Variants in FOCAD observed in about 807,000 individuals in gnomAD.
FOCAD encodes focadhesin, also known as KIAA1797.
FOCAD carries 198 observed loss-of-function variants against 225.6 expected under a neutral mutation model. That is an observed-to-expected ratio of 0.88 (90% CI 0.78 to 0.99). The LOEUF is 0.99. Ranked by LOEUF, FOCAD falls within the 50% of genes least tolerant of loss-of-function variation. The pLI, the probability that FOCAD is intolerant of heterozygous loss-of-function variation, is 0.00. For synonymous variants in FOCAD, 897 were observed against 755.0 expected (o/e 1.19, Z -3.08); for missense variants, 2,713 against 2,123.6 (o/e 1.28, Z -5.46).
chr9:20,968,032 G>A (rs1839422111), intron 35 of FOCAD, among the ~76,000 whole-genome samples: 3 of 152,064 alleles, frequency 2.0e-5, no homozygotes, highest in Admixed American at 6.6e-5. Context: ...AGAAAGATTG[G>A]TGTTAATTCT....
chr9:20,671,443 G>C (rs191284924), intron 2 of FOCAD, among the ~76,000 whole-genome samples: 1 of 152,036 alleles, frequency 6.6e-6, no homozygotes, highest in Non-Finnish European at 1.5e-5. Context: ...CCCAGAACAA[G>C]CTTTCTCTAA....
At chr9:20,807,592 C>G (rs932958085) in intron 11 of FOCAD, among the ~76,000 whole-genome samples, 3 of 152,070 alleles carry the variant, frequency 2.0e-5, no homozygotes, top group Non-Finnish European at 4.4e-5. Context: ...GCTAAGCCTC[C>G]CAAATCTGGT....
intron 19 of FOCAD, among the ~76,000 whole-genome samples, chr9:20,880,543 G>C (rs542714516): frequency 1.3e-5 from 2 of 152,274 alleles, no homozygotes; most frequent in South Asian, 4.1e-4. Context: ...TGTTTTTCCA[G>C]AGCACAGAGC....
intron 21 of FOCAD, among the ~76,000 whole-genome samples, chr9:20,886,451 A>C (rs1299377532): frequency 1.3e-5 from 2 of 152,180 alleles, no homozygotes; most frequent in Non-Finnish European, 2.9e-5. Flanking sequence ...GTCTTACTGA[A>C]AAGCTGATTT....
At chr9:20,814,950 T>TA (rs1408274040) in intron 11 of FOCAD, among the ~76,000 whole-genome samples, 2 of 151,986 alleles carry the variant, frequency 1.3e-5, no homozygotes, top group Non-Finnish European at 2.9e-5. Flanking sequence ...ATTATAGGAT[T>TA]CTTTGTTTAG....
At chr9:20,672,607 C>T (rs1041653972) in intron 2 of FOCAD, among the ~76,000 whole-genome samples, 2 of 152,176 alleles carry the variant, frequency 1.3e-5, no homozygotes, top group African/African-American at 2.4e-5. Flanking sequence ...CCCGCCACCA[C>T]GCCCAGCTAA....
chr9:20,968,431 CTTTTTT>C (rs35624897), intron 35 of FOCAD, among the ~76,000 whole-genome samples: 2 of 43,620 alleles, frequency 4.6e-5, no homozygotes, highest in Admixed American at 4.2e-4. Flanking sequence ...TTTTCTTATT[CTTTTTT>C]TTTTTTTTTT....
At chr9:20,779,992 T>C (rs962471407) in intron 9 of FOCAD, among the ~76,000 whole-genome samples, 5 of 152,210 alleles carry the variant, frequency 3.3e-5, no homozygotes, top group East Asian at 3.8e-4. Context: ...CTTTTTCTTA[T>C]AGCAGTGCAC....
chr9:20,774,575 C>T (rs920732482), intron 8 of FOCAD, among the ~76,000 whole-genome samples: 1 of 152,102 alleles, frequency 6.6e-6, no homozygotes, highest in Non-Finnish European at 1.5e-5. Context: ...TATTTACTAA[C>T]TTTAAAAAAT....
At chr9:20,857,785 G>GTTTT (rs35820198) in intron 15 of FOCAD, among the ~76,000 whole-genome samples, 26 of 106,052 alleles carry the variant, frequency 2.5e-4, no homozygotes, top group African/African-American at 5.7e-4. Flanking sequence ...TTTTTTTTGA[G>GTTTT]TTTTTTTTTT....
chr9:20,825,146 CGTGTGTGTGTGTGTGTGTGTGTGTGT>C (rs10562859), intron 15 of FOCAD, among the ~76,000 whole-genome samples: 1 of 138,990 alleles, frequency 7.2e-6, no homozygotes, highest in African/African-American at 2.7e-5. Flanking sequence ...TCAAGCTTTG[CGTGTGTGTGTGTGTGTGTGTGTGTGT>C]GTGTGTGTGT....
intron 2 of FOCAD, among the ~76,000 whole-genome samples, chr9:20,662,711 A>G (rs1821768046): frequency 6.6e-6 from 1 of 152,054 alleles, no homozygotes; most frequent in Admixed American, 6.6e-5. Context: ...TGGTCTCCCA[A>G]AGTGCTAGGA....
chr9:20,746,396 A>G lies in FOCAD; in HGVS notation c.392+6056A>G, dbSNP rs148171764. Among the ~76,000 whole-genome samples, 930 of 152,252 alleles carry G rather than the reference A, an allele frequency of 6.1e-3. 9 individuals carry two copies. The highest frequency in any genetic ancestry group is 0.021 in the African/African-American group (888 of 41,538). On this transcript the variant is annotated intron_variant, in intron 5 of 43. Transcript: ENST00000338382. ...CTCAGGAGAAGTAGGCACGGGCTAG[A>G]ATATGAAAGGCCATGGCAAAGACCG...
At chr9:20,899,851 C>A (rs770029116) in intron 21 of FOCAD, among the ~76,000 whole-genome samples, 1 of 151,730 alleles carries the variant, frequency 6.6e-6, no homozygotes, top group Non-Finnish European at 1.5e-5. Flanking sequence ...GAATCATAGA[C>A]CCAAGTTTGA....
At chr9:20,687,194 C>T (rs1254488370) in intron 1 of FOCAD, among the ~76,000 whole-genome samples, 1 of 151,980 alleles carries the variant, frequency 6.6e-6, no homozygotes, top group Non-Finnish European at 1.5e-5. Context: ...TTCTTTAGGC[C>T]AAAGGAAATT....
At chr9:20,789,742 CT>C in intron 11 of FOCAD, 134 bp downstream of exon 11, 1 of 1,018,636 alleles carries the variant, frequency 9.8e-7, no homozygotes, top group Non-Finnish European at 1.4e-6. Flanking sequence ...TTTTTGCTAT[CT>C]TTATCCTTCC....
intron 10 of FOCAD, chr9:20,787,193 G>T (rs1333627776): frequency 6.0e-6 from 1 of 167,078 alleles, no homozygotes; most frequent in Non-Finnish European, 1.3e-5. Context: ...ACATGTCTCT[G>T]TTATGTTGTT....
At chr9:20,757,414 T>C (rs955489575) in intron 5 of FOCAD, among the ~76,000 whole-genome samples, 14 of 152,228 alleles carry the variant, frequency 9.2e-5, no homozygotes, top group South Asian at 8.3e-4. Flanking sequence ...CCCCATTCTT[T>C]GAGAATCCTT....
At chr9:20,756,707 A>G (rs1319371045) in intron 5 of FOCAD, among the ~76,000 whole-genome samples, 2 of 152,190 alleles carry the variant, frequency 1.3e-5, no homozygotes, top group Non-Finnish European at 2.9e-5. Context: ...ATTTCTAACA[A>G]GTTCCCAGTT....
Sources: gnomAD v4.1 joint callset for allele counts (sites outside exome capture counted in the v4.1 genomes callset) on GRCh38, gnomAD v4.1.1 for gene constraint, MANE v1.5 for transcripts, NCBI Gene and HGNC (gene_info 2026-07-23, HGNC 2026-07-21) for gene names.